LAMP3: variants seen among roughly 807,000 people sequenced by gnomAD.
LAMP3 encodes lysosome-associated membrane glycoprotein 3.
In LAMP3, 26 loss-of-function variants were observed where a neutral mutation model predicts 34.8. The ratio of observed to expected loss-of-function variants is 0.75; its 90% CI spans 0.55 to 1.04. The LOEUF (loss-of-function observed/expected upper bound fraction) is 1.04. LAMP3 is among the 50% of genes least tolerant of loss of function. The probability of loss-of-function intolerance (pLI) is 0.00; values close to 1 mark genes in which losing one functional copy is unlikely to be tolerated. For synonymous variants in LAMP3, 180 were observed against 201.9 expected (o/e 0.89, Z 0.92); for missense variants, 495 against 524.0 (o/e 0.94, Z 0.54).
rs1720743405 is a variant in LAMP3 at position 183,153,978 on chromosome 3, T to C, written c.463A>G (p.Thr155Ala). The change falls in exon 2 of 6, where the codon ACA (threonine) becomes GCA (alanine). Residue 155 changes from threonine (T) to alanine (A), a missense_variant. Physicochemically the swap from Thr to Ala is moderately conservative, Grantham distance 58. Transcript: ENST00000265598. ...CTGGGTTGAGTGGTGTTCCCAGTTG[T>C]GTGGCTGACGGTTGATGAACTGGTT... ...TGTSSSTVSH[T>A]TGNTTQPSNQ... The C allele has an allele frequency of 6.2e-7, 1 of 1,614,168 alleles. No individual in the cohort carries two copies.
At chr3:183,127,959 G>A (rs903292266) in intron 5 of LAMP3, among the ~76,000 whole-genome samples, 24 of 151,818 alleles carry the variant, frequency 1.6e-4, no homozygotes, top group African/African-American at 5.1e-4. Flanking sequence ...GTGAAACCCC[G>A]TCTCTACTAA....
At chr3:183,125,858 A>G (rs1719766485) in intron 5 of LAMP3, among the ~76,000 whole-genome samples, 3 of 152,052 alleles carry the variant, frequency 2.0e-5, no homozygotes, top group South Asian at 2.1e-4. Context: ...TTTATTTTTT[A>G]CAGATGGGGT....
intron 3 of LAMP3, among the ~76,000 whole-genome samples, chr3:183,145,944 C>T (rs796559091): frequency 7.2e-5 from 11 of 152,320 alleles, no homozygotes; most frequent in African/African-American, 2.6e-4. Context: ...TAGCCAAGCT[C>T]ATTGTTAGGG....
At position 183,154,407 on chromosome 3, in the gene LAMP3, T is replaced by C; in HGVS notation, c.50-16A>G. ...TGCAAAATTACTGAAAATTAGGAAA[T>C]AAAAGTGTTAAAAACACTAACCGAT... On this transcript the variant is annotated splice_polypyrimidine_tract_variant and intron_variant, in intron 1 of 5. Coordinates refer to ENST00000265598, the MANE Select transcript of LAMP3 (RefSeq NM_014398.4). 1 of 1,563,176 alleles carries C rather than the reference T, an allele frequency of 6.4e-7. No homozygotes were observed. The highest frequency in any genetic ancestry group is 8.7e-7 in the Non-Finnish European group (1 of 1,149,846).
intron 1 of LAMP3, among the ~76,000 whole-genome samples, chr3:183,158,518 G>A (rs1177500098): frequency 7.4e-6 from 1 of 134,856 alleles, no homozygotes; most frequent in Non-Finnish European, 1.5e-5. Flanking sequence ...CAAAATTCAG[G>A]AGACTTGGCA....
intron 4 of LAMP3, among the ~76,000 whole-genome samples, chr3:183,137,223 G>A (rs1198697923): frequency 6.6e-6 from 1 of 152,080 alleles, no homozygotes; most frequent in Non-Finnish European, 1.5e-5. Context: ...GGAGGCTGAG[G>A]CAGGAGAATC....
chr3:183,140,323 C>T (rs116005924), intron 4 of LAMP3, among the ~76,000 whole-genome samples: 3,615 of 144,432 alleles, frequency 0.025, 67 homozygotes, highest in Middle Eastern at 0.05. Flanking sequence ...AAGATAATCG[C>T]TTGAACACGG....
chr3:183,128,932 TA>T (rs1427737008), intron 5 of LAMP3, among the ~76,000 whole-genome samples: 8 of 152,214 alleles, frequency 5.3e-5, no homozygotes, highest in East Asian at 1.9e-4. Context: ...TGTCAACAAA[TA>T]TTTTTTTATA....
chr3:183,124,282 G>C, intron 5 of LAMP3, 68 bp from the exon 6 acceptor site: 1 of 1,364,328 alleles, frequency 7.3e-7, no homozygotes, highest in Non-Finnish European at 9.7e-7. Flanking sequence ...GCAGGCTAGA[G>C]GGGAAAGAAG....
chr3:183,145,354 T>C (rs1166695753), intron 3 of LAMP3, among the ~76,000 whole-genome samples: 1 of 152,154 alleles, frequency 6.6e-6, no homozygotes, highest in Non-Finnish European at 1.5e-5. Flanking sequence ...TTTACATTCT[T>C]TAGCTCAGCA....
Position 183,135,774 on chromosome 3 carries a change from T to C in LAMP3, c.1060A>G (p.Lys354Glu). The change falls in exon 5 of 6, where the codon AAA (lysine) becomes GAA (glutamate). Residue 354 changes from lysine to glutamate, a missense_variant. Coordinates refer to ENST00000265598, the MANE Select transcript of LAMP3 (RefSeq NM_014398.4). ...SLQLSAHLQV[K>E]TTDVQLQAFD... ...GCTTGAAGTTGGACATCGGTTGTTT[T>C]CACCTGCAGGTGGGCTGACAACTGG... The C allele has an allele frequency of 6.2e-7, 1 of 1,614,208 alleles. No homozygotes were observed. Among genetic ancestry groups the C allele is most frequent in the South Asian group, 1.1e-5 (1 of 91,086 alleles).
chr3:183,128,855 C>G (rs1307294900), intron 5 of LAMP3, among the ~76,000 whole-genome samples: 2 of 152,112 alleles, frequency 1.3e-5, no homozygotes, highest in African/African-American at 4.8e-5. Context: ...TGTGACTTTT[C>G]TATTCCTGAA....
At position 183,162,652 on chromosome 3, in the gene LAMP3, G is replaced by T; in HGVS notation, c.4C>A (p.Pro2Thr). M[P>T]RQLSAAAALF... ...GCGGCCGCCGCGCTGAGCTGCCGGG[G>T]CATGGTGGGCGCTGGGCGAGGTTCT... Residue 2 changes from proline (P) to threonine (T), a missense_variant, in exon 1 of 6, where the codon CCC (proline) becomes ACC (threonine). Physicochemically the swap from Pro to Thr is conservative, Grantham distance 38. Coordinates refer to ENST00000265598, the MANE Select transcript of LAMP3 (RefSeq NM_014398.4). The T allele has an allele frequency of 6.5e-7, 1 of 1,539,808 alleles. No individual in the cohort carries two copies. The highest frequency in any genetic ancestry group is 8.7e-7 in the Non-Finnish European group (1 of 1,144,464).
Position 183,156,087 on chromosome 3 carries a change from C to T in LAMP3, c.50-1696G>A, listed in dbSNP as rs540010803. 4.6e-5 allele frequency among the ~76,000 whole-genome samples: 7 copies of T among 152,262 alleles called. No individual in the cohort carries two copies. In the East Asian group the frequency reaches 5.8e-4, roughly 13 times the overall value. The stretch of plus-strand genomic sequence containing the variant: ...CAAAACACAGATGTTGGGCCGGGCG[C>T]GGTGGCTCACGCCTGTAATCCCAAC... On this transcript the variant is annotated intron_variant, in intron 1 of 5. Coordinates refer to ENST00000265598, the MANE Select transcript of LAMP3 (RefSeq NM_014398.4).
At chr3:183,159,620 G>A (rs185139906) in intron 1 of LAMP3, among the ~76,000 whole-genome samples, 2 of 152,330 alleles carry the variant, frequency 1.3e-5, no homozygotes, top group Admixed American at 1.3e-4. Context: ...AGAGAGTCAA[G>A]GAAATCCTAG....
intron 3 of LAMP3, among the ~76,000 whole-genome samples, chr3:183,145,631 G>A (rs1454508217): frequency 6.6e-6 from 1 of 152,130 alleles, no homozygotes; most frequent in Non-Finnish European, 1.5e-5. Context: ...GAGGTTGGGC[G>A]GATCAGCTGA....
chr3:183,125,132 C>T (rs1433919922), intron 5 of LAMP3, among the ~76,000 whole-genome samples: 3 of 151,986 alleles, frequency 2.0e-5, no homozygotes, highest in East Asian at 1.9e-4. Context: ...CGAGGAAAGA[C>T]GGAGGGGTCT....
rs978786430 is a variant in LAMP3 at position 183,146,859 on chromosome 3, A to T, written c.888+5516T>A. 4.6e-5 allele frequency among the ~76,000 whole-genome samples: 7 copies of T among 151,980 alleles called. No homozygotes were observed. In the East Asian group the frequency reaches 5.8e-4, roughly 13 times the overall value. ...TTTTTAAAAATGTGTTGCCAACATT[A>T]AAAAAAGTGCTTTTCTGGAAAGATC... On this transcript the variant is annotated intron_variant, in intron 3 of 5. Coordinates refer to ENST00000265598, the MANE Select transcript of LAMP3 (RefSeq NM_014398.4).
intron 3 of LAMP3, among the ~76,000 whole-genome samples, chr3:183,149,416 T>C (rs916102173): frequency 7.9e-5 from 12 of 151,174 alleles, no homozygotes; most frequent in African/African-American, 2.2e-4. Flanking sequence ...GGTGCGTGGC[T>C]GTAGTGTAGT....
Sources: gnomAD v4.1 joint callset for allele counts (sites outside exome capture counted in the v4.1 genomes callset) on GRCh38, gnomAD v4.1.1 for gene constraint, MANE v1.5 for transcripts, NCBI Gene and HGNC (gene_info 2026-07-23, HGNC 2026-07-21) for gene names.